The following ARHGAP15 variants were observed in gnomAD, a reference collection of about 807,000 sequenced individuals.
ARHGAP15 encodes rho GTPase-activating protein 15.
Under a neutral mutation model 63.7 loss-of-function variants are expected in ARHGAP15, and 51 were observed. The ratio of observed to expected loss-of-function variants is 0.80; its 90% CI spans 0.64 to 1.01. The LOEUF is 1.01. Among genes scored for constraint, ARHGAP15 ranks in the 50% least tolerant of loss-of-function variants. The pLI is 0.00. For synonymous variants in ARHGAP15, 191 were observed against 193.8 expected (o/e 0.99, Z 0.12); for missense variants, 560 against 564.6 (o/e 0.99, Z 0.08).
chr2:143,543,447 T>G (rs1329611956), intron 10 of ARHGAP15, among the ~76,000 whole-genome samples: 1 of 152,150 alleles, frequency 6.6e-6, no homozygotes, highest in East Asian at 1.9e-4. Flanking sequence ...TACATTCTGA[T>G]GTTAACATCC....
At chr2:143,624,674 A>G (rs116785462) in intron 12 of ARHGAP15, among the ~76,000 whole-genome samples, 2,361 of 152,260 alleles carry the variant, frequency 0.016, 71 homozygotes, top group African/African-American at 0.055. Context: ...ATTACATTTC[A>G]TGAAATATGT....
At chr2:143,630,741 G>T (rs1699031979) in intron 12 of ARHGAP15, among the ~76,000 whole-genome samples, 1 of 151,996 alleles carries the variant, frequency 6.6e-6, no homozygotes, top group South Asian at 2.1e-4. Flanking sequence ...CATTCATAAG[G>T]TGAGCATATA....
chr2:143,737,379 A>C (rs531955580), intron 13 of ARHGAP15, among the ~76,000 whole-genome samples: 1 of 152,368 alleles, frequency 6.6e-6, no homozygotes, highest in African/African-American at 2.4e-5. Context: ...AGAATTGTAA[A>C]CATGCCTTAT....
intron 2 of ARHGAP15, among the ~76,000 whole-genome samples, chr2:143,161,877 A>T (rs964535791): frequency 6.6e-6 from 1 of 151,908 alleles, no homozygotes; most frequent in Non-Finnish European, 1.5e-5. Flanking sequence ...TCAAGGCAGA[A>T]GATGCGGCCG....
chr2:143,764,279 G>A (rs1480695864), intron 13 of ARHGAP15, among the ~76,000 whole-genome samples: 1 of 152,146 alleles, frequency 6.6e-6, no homozygotes, highest in Non-Finnish European at 1.5e-5. Context: ...CCCAGTGGCT[G>A]AGAAGCCTTC....
At position 143,380,816 on chromosome 2, in the gene ARHGAP15, G is replaced by A. The variant is rs142860006; in HGVS notation, c.475-54785G>A. On this transcript the variant is annotated intron_variant, in intron 6 of 13. Transcript: ENST00000295095. ...ATATAAACTTTACATCAGGCTTAGCGAACAGAATTAGGAAACAATGATGAA... is the reference window on the plus strand; with the variant it reads ...ATATAAACTTTACATCAGGCTTAGCAAACAGAATTAGGAAACAATGATGAA... Among the ~76,000 whole-genome samples the A allele has an allele frequency of 1.1e-3, 162 of 152,232 alleles. 2 individuals carry two copies. Among genetic ancestry groups the A allele is most frequent in the African/African-American group, 3.4e-3 (140 of 41,548 alleles).
chr2:143,768,350 A>C lies in ARHGAP15; in HGVS notation c.*178A>C, dbSNP rs1262727817. 1.2e-5 allele frequency: 8 copies of C among 666,438 alleles called. No individual in the cohort carries two copies. The highest frequency in any genetic ancestry group is 1.8e-5 in the Non-Finnish European group (7 of 399,454). The allele number at this position is 666,438 out of a possible 1,614,324, so 41.3% of individuals were successfully genotyped here. On this transcript the variant is annotated 3_prime_UTR_variant, in exon 14 of 14. Coordinates refer to ENST00000295095, the MANE Select transcript of ARHGAP15 (RefSeq NM_018460.4). ...AAACATTTGAATAAAATAATTGACA[A>C]TATTTGCCTCTATGTGTTCTACATT... is the stretch of plus-strand genomic sequence containing the variant.
At chr2:143,756,024 C>A (rs548407368) in intron 13 of ARHGAP15, among the ~76,000 whole-genome samples, 1 of 151,810 alleles carries the variant, frequency 6.6e-6, no homozygotes, top group African/African-American at 2.4e-5. Context: ...CGCATACAAA[C>A]TGAATGATGA....
chr2:143,421,901 G>C (rs149016724), intron 6 of ARHGAP15, among the ~76,000 whole-genome samples: 1 of 151,702 alleles, frequency 6.6e-6, no homozygotes, highest in Non-Finnish European at 1.5e-5. Flanking sequence ...AAGAGAAAGG[G>C]GGGGAGAGAG....
intron 6 of ARHGAP15, among the ~76,000 whole-genome samples, chr2:143,284,409 G>T (rs1574210418): frequency 6.6e-6 from 1 of 152,188 alleles, no homozygotes; most frequent in African/African-American, 2.4e-5. Flanking sequence ...TAAACAAAAT[G>T]CAGCACTCTG....
intron 13 of ARHGAP15, among the ~76,000 whole-genome samples, chr2:143,734,535 T>C (rs1436876070): frequency 6.6e-6 from 1 of 152,204 alleles, no homozygotes; most frequent in African/African-American, 2.4e-5. Flanking sequence ...CAAATACATC[T>C]ATAGCCACTG....
At chr2:143,431,534 A>G (rs1406885474) in intron 6 of ARHGAP15, among the ~76,000 whole-genome samples, 4 of 152,064 alleles carry the variant, frequency 2.6e-5, no homozygotes, top group East Asian at 1.9e-4. Flanking sequence ...AGAATAACGT[A>G]TCATGACCAC....
chr2:143,585,243 A>G (rs1422395687), intron 11 of ARHGAP15, among the ~76,000 whole-genome samples: 1 of 152,180 alleles, frequency 6.6e-6, no homozygotes, highest in Non-Finnish European at 1.5e-5. Context: ...TTATGCAACT[A>G]TATTGCTGTT....
intron 2 of ARHGAP15, among the ~76,000 whole-genome samples, chr2:143,170,839 A>G (rs1690747076): frequency 6.6e-6 from 1 of 152,124 alleles, no homozygotes; most frequent in African/African-American, 2.4e-5. Flanking sequence ...CATTATTATT[A>G]GTCAGCATTT....
intron 1 of ARHGAP15, among the ~76,000 whole-genome samples, chr2:143,152,307 G>T (rs1346842091): frequency 6.6e-6 from 1 of 151,874 alleles, no homozygotes; most frequent in Admixed American, 6.6e-5. Context: ...AATATCCCAG[G>T]TATCTGCACA....
chr2:143,352,058 C>A (rs914171024), intron 6 of ARHGAP15, among the ~76,000 whole-genome samples: 6 of 152,260 alleles, frequency 3.9e-5, no homozygotes, highest in South Asian at 4.1e-4. Context: ...CCCTGAATAA[C>A]CTTTATTGTC....
At chr2:143,756,579 C>A (rs142584465) in intron 13 of ARHGAP15, among the ~76,000 whole-genome samples, 2 of 151,914 alleles carry the variant, frequency 1.3e-5, no homozygotes, top group Admixed American at 6.6e-5. Flanking sequence ...ATTAAGAATT[C>A]TTTTACTGCT....
intron 8 of ARHGAP15, among the ~76,000 whole-genome samples, chr2:143,445,084 A>ATAT (rs987018484): frequency 1.1e-4 from 16 of 152,038 alleles, no homozygotes; most frequent in African/African-American, 3.6e-4. Context: ...CAAGTAGAAA[A>ATAT]TATAGGACTG....
intron 6 of ARHGAP15, among the ~76,000 whole-genome samples, chr2:143,362,357 T>A (rs1049230862): frequency 1.3e-5 from 2 of 152,212 alleles, no homozygotes; most frequent in African/African-American, 4.8e-5. Context: ...TGCTCTGTCC[T>A]AAAATACCTT....
Sources: allele counts gnomAD v4.1 joint callset (sites outside exome capture counted in the v4.1 genomes callset), GRCh38; gene constraint gnomAD v4.1.1; transcripts MANE v1.5; gene names NCBI Gene and HGNC (gene_info 2026-07-23, HGNC 2026-07-21).